Variants in KLF12 observed in about 807,000 individuals in gnomAD.
The protein encoded by KLF12 is KLF transcription factor 12.
Under a neutral mutation model 37.8 loss-of-function variants are expected in KLF12, and 9 were observed. The observed-to-expected ratio is 0.24, with a 90% CI of 0.14 to 0.42. The LOEUF is 0.42. KLF12 is among the 10% of genes least tolerant of loss of function. KLF12 has a pLI of 1.00. For missense variants in KLF12, 411 were observed against 516.0 expected, an observed-to-expected ratio of 0.80 and a Z score of 1.97; for synonymous variants, 208 against 202.1, an observed-to-expected ratio of 1.03 and a Z score of -0.25.
chr13:74,038,074 G>A (rs1893305274), intron 1 of KLF12, among the ~76,000 whole-genome samples: 1 of 152,128 alleles, frequency 6.6e-6, no homozygotes, highest in African/African-American at 2.4e-5. Context: ...TGATACAAAG[G>A]ACACACAAAT....
chr13:73,743,396 G>A (rs1305074826), intron 6 of KLF12, among the ~76,000 whole-genome samples: 1 of 152,178 alleles, frequency 6.6e-6, no homozygotes, highest in African/African-American at 2.4e-5. Context: ...AACTCTTCTT[G>A]TATAGAGAGT....
the KLF12 span, among the ~76,000 whole-genome samples, chr13:74,301,498 C>G: frequency 1.3e-5 from 2 of 152,140 alleles, no homozygotes; most frequent in Non-Finnish European, 2.9e-5. Context: ...TTACAGGCCT[C>G]TATATTTTCT....
chr13:74,235,219 A>G, the KLF12 span, among the ~76,000 whole-genome samples: 2 of 152,314 alleles, frequency 1.3e-5, no homozygotes, highest in East Asian at 3.9e-4. Context: ...ACTTGATATA[A>G]ATTACCAAGG....
intron 5 of KLF12, among the ~76,000 whole-genome samples, chr13:73,770,287 T>A (rs1880186052): frequency 6.6e-6 from 1 of 152,186 alleles, no homozygotes; most frequent in Non-Finnish European, 1.5e-5. Flanking sequence ...TATTTTAATA[T>A]AAACACACTA....
intron 5 of KLF12, among the ~76,000 whole-genome samples, chr13:73,783,294 C>T (rs879666274): frequency 3.9e-5 from 6 of 151,996 alleles, no homozygotes; most frequent in Non-Finnish European, 8.8e-5. Context: ...TGGAGGTCCA[C>T]AGTAGAATGA....
chr13:73,743,234 A>G (rs575536415), intron 6 of KLF12, among the ~76,000 whole-genome samples: 2 of 152,274 alleles, frequency 1.3e-5, no homozygotes, highest in Admixed American at 6.5e-5. Flanking sequence ...TCTATTTCCA[A>G]ACTTAGGCTT....
chr13:73,914,717 T>C (rs895330947), intron 3 of KLF12, among the ~76,000 whole-genome samples: 1 of 152,138 alleles, frequency 6.6e-6, no homozygotes, highest in Non-Finnish European at 1.5e-5. Flanking sequence ...AGAGCTCTCA[T>C]CTGTTACGTT....
chr13:73,691,220 A>T lies in KLF12; in HGVS notation c.*4270T>A, dbSNP rs928535202. The T allele has an allele frequency of 2.6e-5, 4 of 152,648 alleles. No homozygotes were observed. The highest frequency in any genetic ancestry group is 9.7e-5 in the African/African-American group (4 of 41,450). 9.5% of individuals were successfully genotyped at this position (152,648 alleles called of 1,614,324 possible). ...ATGTGCATGTGTTGGGGCTGTCTGT[A>T]CAGGTTAAGTGGAAGGCAGTGTGGG... is the stretch of plus-strand genomic sequence containing the variant. On this transcript the variant is annotated 3_prime_UTR_variant, in exon 8 of 8. Transcript: ENST00000377669.
chr13:74,255,732 A>G, the KLF12 span, among the ~76,000 whole-genome samples: 1 of 152,234 alleles, frequency 6.6e-6, no homozygotes, highest in Non-Finnish European at 1.5e-5. Context: ...AACTAACTCT[A>G]TCTACTGACT....
intron 6 of KLF12, among the ~76,000 whole-genome samples, chr13:73,730,318 C>T (rs1876974149): frequency 6.6e-6 from 1 of 152,186 alleles, no homozygotes; most frequent in Non-Finnish European, 1.5e-5. Context: ...AGAAGAACAA[C>T]AGCTTCATTC....
intron 1 of KLF12, among the ~76,000 whole-genome samples, chr13:74,011,404 G>T (rs1223177090): frequency 6.6e-6 from 1 of 152,118 alleles, no homozygotes; most frequent in Non-Finnish European, 1.5e-5. Context: ...AATTTAAGTT[G>T]TTCTACAAGT....
upstream of KLF12, among the ~76,000 whole-genome samples, chr13:74,137,745 A>AT (rs1039632738): frequency 2.6e-5 from 4 of 151,870 alleles, no homozygotes; most frequent in South Asian, 8.3e-4. Context: ...ATCTTTTTTT[A>AT]TTTTTTATTT....
At chr13:73,779,784 C>G (rs1192617674) in intron 5 of KLF12, among the ~76,000 whole-genome samples, 1 of 152,174 alleles carries the variant, frequency 6.6e-6, no homozygotes, top group Non-Finnish European at 1.5e-5. Flanking sequence ...AACTGCATAG[C>G]TAGCATTAGA....
chr13:73,994,943 C>A, intron 2 of KLF12, 47 bp downstream of exon 2: 1 of 1,307,942 alleles, frequency 7.6e-7, no homozygotes, highest in South Asian at 1.2e-5. Context: ...AAGTAATGCT[C>A]AAAGTAGCAA....
the KLF12 span, among the ~76,000 whole-genome samples, chr13:74,296,455 G>T: frequency 0.16 from 23,867 of 152,036 alleles, 3,881 homozygotes; most frequent in African/African-American, 0.41. Context: ...AGAAAAATTT[G>T]TGGAGCAGGC....
intron 6 of KLF12, among the ~76,000 whole-genome samples, chr13:73,740,551 G>C (rs1184228802): frequency 6.6e-6 from 1 of 152,116 alleles, no homozygotes; most frequent in Non-Finnish European, 1.5e-5. Context: ...TATGTTGACA[G>C]GCTGGTCTTG....
intron 2 of KLF12, among the ~76,000 whole-genome samples, chr13:73,986,334 TTGAA>T: frequency 6.6e-6 from 1 of 152,320 alleles, no homozygotes; most frequent in Admixed American, 6.5e-5. Flanking sequence ...CAAAAGTGAT[TTGAA>T]TGGACTTTTT....
intron 7 of KLF12, among the ~76,000 whole-genome samples, chr13:73,704,322 T>C (rs911625285): frequency 2.0e-5 from 3 of 152,194 alleles, no homozygotes; most frequent in Admixed American, 6.5e-5. Flanking sequence ...CAAAACTTGC[T>C]CAGCATTTGC....
intron 7 of KLF12, among the ~76,000 whole-genome samples, chr13:73,704,405 A>G (rs1223529838): frequency 6.6e-6 from 1 of 152,100 alleles, no homozygotes; most frequent in African/African-American, 2.4e-5. Context: ...CAAATCGTCA[A>G]TGTCTCCAGT....
Sources: gnomAD v4.1 joint callset for allele counts (sites outside exome capture counted in the v4.1 genomes callset) on GRCh38, gnomAD v4.1.1 for gene constraint, MANE v1.5 for transcripts, NCBI Gene and HGNC (gene_info 2026-07-23, HGNC 2026-07-21) for gene names.